COX14: variants seen among roughly 807,000 people sequenced by gnomAD.
COX14 encodes the protein cytochrome c oxidase assembly protein COX14.
COX14 carries 3 observed loss-of-function variants against 5.8 expected under a neutral mutation model. The ratio of observed to expected loss-of-function variants is 0.51; its 90% CI spans 0.23 to 1.33. The LOEUF (loss-of-function observed/expected upper bound fraction) is 1.33. COX14 is among the 40% of genes most tolerant of loss of function. The probability of loss-of-function intolerance (pLI) is 0.18; values close to 1 mark genes in which losing one functional copy is unlikely to be tolerated. For synonymous variants in COX14, 25 were observed against 26.1 expected (o/e 0.96, Z 0.13); for missense variants, 72 against 72.1 (o/e 1.00, Z 0.01).
rs765970094 is a variant in COX14, at chr12:50,120,072, T to C, written c.29T>C (p.Ile10Thr). The C allele has an allele frequency of 1.9e-6, 3 of 1,614,178 alleles. No homozygotes were observed. The highest frequency in any genetic ancestry group is 2.2e-5 in the East Asian group (1 of 44,894). The change falls in exon 2 of 2, where the codon ATT becomes ACT. Residue 10 changes from isoleucine to threonine, a missense_variant. Transcript: ENST00000550487. ...CCAACTGGCAAGCAGCTAGCTGACA[T>C]TGGCTATAAGACCTTCTCTACCTCC... is the stretch of plus-strand genomic sequence containing the variant. MPTGKQLAD[I>T]GYKTFSTSMM...
rs200753288 is a variant in COX14 at position 50,120,022 on chromosome 12, A to G, written c.-8-14A>G. ...GGCCTTATCCTCAGGTCTAAATTCA[A>G]TCTGTCTTTGTAGGGGACAAGATGC... On this transcript the variant is annotated splice_polypyrimidine_tract_variant and intron_variant, in intron 1 of 1. Coordinates refer to ENST00000550487, the MANE Select transcript of COX14 (RefSeq NM_032901.4). The G allele has an allele frequency of 8.7e-5, 140 of 1,611,702 alleles. 1 individual carries two copies. In the African/African-American group the frequency reaches 1.1e-3, roughly 12 times the overall value.
rs1372452946 is a variant in COX14, at chr12:50,112,422, T to C, written c.-9+121T>C. On this transcript the variant is annotated intron_variant, in intron 1 of 1. Coordinates refer to ENST00000550487, the MANE Select transcript of COX14 (RefSeq NM_032901.4). ...AGTCTGCAGGCCTGGTGCCCTTGAA[T>C]TCACCCGCTTCTGTTGCGTTGCGGA... The C allele has an allele frequency of 3.0e-6, 3 of 985,694 alleles. No individual in the cohort carries two copies. In the African/African-American group the frequency reaches 5.2e-5, roughly 17 times the overall value. 61.1% of individuals were successfully genotyped at this position (985,694 alleles called of 1,614,324 possible). A position where few individuals can be genotyped will look rare whatever the true frequency, so the allele number is the denominator to read the frequency against.
intron 1 of COX14, among the ~76,000 whole-genome samples, chr12:50,117,703 C>T (rs1192883203): frequency 5.3e-5 from 8 of 151,648 alleles, no homozygotes; most frequent in Admixed American, 3.3e-4. Context: ...TCTCAGCCTC[C>T]GAGTAGCAGG....
At chr12:50,114,110 TCA>T (rs1186377482) in intron 1 of COX14, among the ~76,000 whole-genome samples, 1 of 150,514 alleles carries the variant, frequency 6.6e-6, no homozygotes, top group Non-Finnish European at 1.5e-5. Context: ...GCTATGGTTC[TCA>T]ATTTTTATTC....
At chr12:50,112,480 A>T in intron 1 of COX14, 179 bp downstream of exon 1, 1 of 985,798 alleles carries the variant, frequency 1.0e-6, no homozygotes, top group Non-Finnish European at 1.2e-6. Flanking sequence ...CCCAAGCCCA[A>T]GCTCCTCGCA....
At chr12:50,118,204 G>A (rs1951100082) in intron 1 of COX14, among the ~76,000 whole-genome samples, 1 of 151,134 alleles carries the variant, frequency 6.6e-6, no homozygotes, top group African/African-American at 2.4e-5. Context: ...GCGCCACCAC[G>A]CCCAGCTACT....
At position 50,119,599 on chromosome 12, in the gene COX14, TG is replaced by T. The variant is rs541293728; in HGVS notation, c.-8-434del. Among the ~76,000 whole-genome samples the T allele has an allele frequency of 2.1e-4, 32 of 152,152 alleles. No individual in the cohort carries two copies. In the South Asian group the frequency reaches 5.0e-3, roughly 24 times the overall value. ...GCGTCAGCTACTTGGGAGGCTGAGG[TG>T]GGAGGGTGGACTTCAGCCCAGGAGG... On this transcript the variant is annotated intron_variant, in intron 1 of 1. Transcript: ENST00000550487.
Position 50,113,164 on chromosome 12 carries a change from C to T in COX14, c.-9+863C>T, listed in dbSNP as rs111919306. Among the ~76,000 whole-genome samples, 586 of 145,786 alleles carry T rather than the reference C, an allele frequency of 4.0e-3. 3 individuals are homozygous for T. The highest frequency in any genetic ancestry group is 0.014 in the African/African-American group (543 of 39,420). On this transcript the variant is annotated intron_variant, in intron 1 of 1. Transcript: ENST00000550487. ...TGTTGGGATTACCGGCGTGAGCCAC[C>T]GTACCCGGCCGATGTACTACTCTCT...
intron 1 of COX14, 109 bp downstream of exon 1, chr12:50,112,410 G>C: frequency 4.1e-6 from 4 of 985,778 alleles, no homozygotes; most frequent in Non-Finnish European, 4.8e-6. Context: ...CTGCAGGCCT[G>C]GTGCCCTTGA....
At chr12:50,114,614 G>T (rs2137937348) in intron 1 of COX14, among the ~76,000 whole-genome samples, 1 of 151,644 alleles carries the variant, frequency 6.6e-6, no homozygotes, top group South Asian at 2.1e-4. Flanking sequence ...TGCTCCCTTG[G>T]CCTCTCTCTT....
Position 50,112,523 on chromosome 12 carries a change from A to G in COX14, c.-9+222A>G, listed in dbSNP as rs1022531911. ...GTCAGTCTTGCTAGAGCTCAGCGCT[A>G]ATCCTGTCAAACCTCGACTCCTGCC... On this transcript the variant is annotated intron_variant, in intron 1 of 1. Coordinates refer to ENST00000550487, the MANE Select transcript of COX14 (RefSeq NM_032901.4). The G allele has an allele frequency of 6.2e-6, 6 of 972,234 alleles. No individual in the cohort carries two copies. In the South Asian group the frequency reaches 1.9e-4, roughly 31 times the overall value. The allele number at this position is 972,234 out of a possible 1,614,324, so 60.2% of individuals were successfully genotyped here.
chr12:50,117,641 C>A (rs1234253567), intron 1 of COX14, among the ~76,000 whole-genome samples: 1 of 149,822 alleles, frequency 6.7e-6, no homozygotes, highest in Non-Finnish European at 1.5e-5. Context: ...TGCAATGATG[C>A]GATCTCGGCT....
rs921843324 is a variant in COX14 at position 50,118,406 on chromosome 12, C to G, written c.-8-1630C>G. Reference sequence around the variant, plus strand: ...ACTGCAGTTTCTGTCAGTCTTCGTGCAGCTTGCACATACCCCAACCCCGTC... The same window carrying G: ...ACTGCAGTTTCTGTCAGTCTTCGTGGAGCTTGCACATACCCCAACCCCGTC... On this transcript the variant is annotated intron_variant, in intron 1 of 1. Transcript: ENST00000550487. The G allele has an allele frequency of 3.0e-6, 3 of 984,400 alleles. No individual in the cohort carries two copies. The African/African-American group carries it at 5.2e-5, about 17-fold the overall frequency. 61.0% of individuals were successfully genotyped at this position (984,400 alleles called of 1,614,324 possible).
chr12:50,113,299 C>T (rs1357410983), intron 1 of COX14, among the ~76,000 whole-genome samples: 4 of 145,570 alleles, frequency 2.7e-5, no homozygotes, highest in South Asian at 2.2e-4. Flanking sequence ...CATACGTTTA[C>T]GCAATTTTTT....
chr12:50,117,028 G>C (rs982843192), intron 1 of COX14, among the ~76,000 whole-genome samples: 1 of 151,068 alleles, frequency 6.6e-6, no homozygotes, highest in South Asian at 2.1e-4. Context: ...TTTGTTTTTT[G>C]AGACAGGGTC....
chr12:50,119,714 C>T (rs1170847093), intron 1 of COX14, among the ~76,000 whole-genome samples: 2 of 152,176 alleles, frequency 1.3e-5, no homozygotes, highest in South Asian at 2.1e-4. Flanking sequence ...CAAACCCCAG[C>T]AGTCCAGGCT....
intron 1 of COX14, among the ~76,000 whole-genome samples, chr12:50,117,063 G>T (rs1233366952): frequency 2.6e-5 from 4 of 152,098 alleles, no homozygotes; most frequent in Non-Finnish European, 5.9e-5. Flanking sequence ...AAGCTGTAGT[G>T]CAGTGGTACG....
At chr12:50,113,022 G>GT (rs892215196) in intron 1 of COX14, 2,480 of 144,220 alleles carry the variant, frequency 0.017, 80 homozygotes, top group African/African-American at 0.057. Context: ...TTAAAAAAAG[G>GT]TTTTTTTTTT....
intron 1 of COX14, among the ~76,000 whole-genome samples, chr12:50,117,796 G>T (rs1440659612): frequency 1.4e-5 from 2 of 147,282 alleles, no homozygotes; most frequent in Non-Finnish European, 3.0e-5. Context: ...CCAGGCTGGA[G>T]TGCAGTGGCA....
Sources: gnomAD v4.1 joint callset for allele counts (sites outside exome capture counted in the v4.1 genomes callset) on GRCh38, gnomAD v4.1.1 for gene constraint, MANE v1.5 for transcripts, NCBI Gene and HGNC (gene_info 2026-07-23, HGNC 2026-07-21) for gene names.